Variants in KIAA1671 observed in about 807,000 individuals in gnomAD.
The protein encoded by KIAA1671 is KIAA1671, also known as uncharacterized protein KIAA1671.
A neutral mutation model predicts 131.2 loss-of-function variants in KIAA1671; 52 were observed. That is an observed-to-expected ratio of 0.40 (90% CI 0.32 to 0.50). KIAA1671 has a LOEUF of 0.50. Among genes scored for constraint, KIAA1671 ranks in the 20% least tolerant of loss-of-function variants. The probability of loss-of-function intolerance (pLI) is 0.73; values close to 1 mark genes in which losing one functional copy is unlikely to be tolerated. For synonymous variants in KIAA1671, 1,003 were observed against 961.6 expected (o/e 1.04, Z -0.80); for missense variants, 2,360 against 2,364.2 (o/e 1.00, Z 0.04).
rs73879197 is a variant in KIAA1671, at chr22:25,075,415, A to G, written c.4530+26051A>G. Among the ~76,000 whole-genome samples the G allele has an allele frequency of 4.8e-3, 734 of 152,256 alleles. 5 individuals carry two copies. Among genetic ancestry groups the G allele is most frequent in the African/African-American group, 0.015 (633 of 41,542 alleles). ...CTTTTTTGGTTCCAGGATCTAGTTC[A>G]GGGTCCCACATTGTATTTTTTCGCT... On this transcript the variant is annotated intron_variant, in intron 6 of 12. Transcript: ENST00000358431.
At chr22:25,188,608 T>C (rs1934557035) in intron 11 of KIAA1671, among the ~76,000 whole-genome samples, 1 of 152,274 alleles carries the variant, frequency 6.6e-6, no homozygotes, top group East Asian at 1.9e-4. Context: ...AATAGCCTAG[T>C]GTTGACCAGA....
At chr22:25,150,032 C>T (rs1932983408) in intron 6 of KIAA1671, among the ~76,000 whole-genome samples, 1 of 152,142 alleles carries the variant, frequency 6.6e-6, no homozygotes, top group Non-Finnish European at 1.5e-5. Flanking sequence ...TCCATCTCCC[C>T]AACTTGATTT....
chr22:25,155,219 A>G (rs1933189297), intron 6 of KIAA1671, among the ~76,000 whole-genome samples: 1 of 152,210 alleles, frequency 6.6e-6, no homozygotes, highest in South Asian at 2.1e-4. Context: ...CATTGTTTTG[A>G]ATGGAGACAC....
At chr22:25,003,971 C>A (rs186758187) in intron 1 of KIAA1671, among the ~76,000 whole-genome samples, 1 of 151,864 alleles carries the variant, frequency 6.6e-6, no homozygotes, top group East Asian at 2.0e-4. Context: ...GCGCGCGCCA[C>A]CACACGCAGC....
At chr22:25,103,212 C>CTTTT (rs10631725) in intron 6 of KIAA1671, among the ~76,000 whole-genome samples, 13 of 140,352 alleles carry the variant, frequency 9.3e-5, no homozygotes, top group African/African-American at 1.3e-4. Flanking sequence ...CCCCAACCGC[C>CTTTT]TTTTTTTTTT....
chr22:25,109,455 A>ACTT lies in KIAA1671; in HGVS notation c.4530+60095_4530+60097dup, dbSNP rs113618440. 5.8e-3 allele frequency among the ~76,000 whole-genome samples: 887 copies of ACTT among 152,064 alleles called. 9 individuals are homozygous for ACTT. The highest frequency in any genetic ancestry group is 0.032 in the South Asian group (152 of 4,804). On this transcript the variant is annotated intron_variant, in intron 6 of 12. Coordinates refer to ENST00000358431, the MANE Select transcript of KIAA1671 (RefSeq NM_001145206.2). ...CGTGAGCCACCGCGCCCGGCCCATC[A>ACTT]CTTCTTTATTCTGCTAACCACACGG...
At chr22:24,968,727 A>G (rs1922438075) in intron 1 of KIAA1671, among the ~76,000 whole-genome samples, 1 of 152,106 alleles carries the variant, frequency 6.6e-6, no homozygotes, top group East Asian at 1.9e-4. Context: ...TATTGATTAC[A>G]TAATCTTATC....
At chr22:25,183,397 G>A (rs1341969823) in intron 10 of KIAA1671, among the ~76,000 whole-genome samples, 1 of 150,736 alleles carries the variant, frequency 6.6e-6, no homozygotes, top group Non-Finnish European at 1.5e-5. Context: ...TCAGTCACTA[G>A]AACTAGGTTA....
intron 1 of KIAA1671, among the ~76,000 whole-genome samples, chr22:24,972,468 G>C (rs979109902): frequency 6.6e-6 from 1 of 151,962 alleles, no homozygotes; most frequent in African/African-American, 2.4e-5. Context: ...ACGCATGCAT[G>C]CATCCATCCA....
At chr22:24,971,396 G>A (rs5752029) in intron 1 of KIAA1671, among the ~76,000 whole-genome samples, 1 of 152,022 alleles carries the variant, frequency 6.6e-6, no homozygotes. Context: ...CTTGCCAACC[G>A]AATATCCACA....
chr22:24,977,403 G>T (rs556650073), intron 1 of KIAA1671, among the ~76,000 whole-genome samples: 11 of 152,332 alleles, frequency 7.2e-5, no homozygotes, highest in Non-Finnish European at 1.6e-4. Context: ...AACCGGGCTG[G>T]AGGCCTGGGT....
chr22:25,085,964 T>G (rs555402692), intron 6 of KIAA1671, among the ~76,000 whole-genome samples: 29 of 152,260 alleles, frequency 1.9e-4, no homozygotes, highest in African/African-American at 5.8e-4. Flanking sequence ...AGCCCCTATC[T>G]TTGTATCCCT....
At chr22:25,037,935 G>C (rs763048733) in intron 4 of KIAA1671, among the ~76,000 whole-genome samples, 157 of 152,134 alleles carry the variant, frequency 1.0e-3, no homozygotes, top group Non-Finnish European at 1.6e-3. Context: ...CGCCCTCCAG[G>C]TTCAAGCAAT....
intron 1 of KIAA1671, among the ~76,000 whole-genome samples, chr22:24,986,300 C>G (rs561043800): frequency 1.1e-3 from 160 of 152,222 alleles, no homozygotes; most frequent in African/African-American, 3.6e-3. Flanking sequence ...CTGTGGGAGA[C>G]TGGGTTACGG....
chr22:25,028,546 G>T lies in KIAA1671; in HGVS notation c.547G>T (p.Ala183Ser), dbSNP rs1286091924. 3 of 802,192 alleles carry T rather than the reference G, an allele frequency of 3.7e-6. No individual in the cohort carries two copies. In the East Asian group the frequency reaches 1.6e-4, roughly 42 times the overall value. The allele number at this position is 802,192 out of a possible 1,614,324, so 49.7% of individuals were successfully genotyped here. The change falls in exon 3 of 13, where the codon GCC (alanine) becomes TCC (serine). Residue 183 changes from alanine to serine, a missense_variant. Physicochemically the swap from Ala to Ser is moderately conservative, Grantham distance 99 (BLOSUM62 1). Around this residue, in one of 3 missense-constraint regions of KIAA1671, gnomAD observed 1,185 missense variants for 1,126.2 expected, o/e 1.05. Transcript: ENST00000358431. ...GSRPEVAAKP[A>S]LPTQKPAGTL... ...CCGGCCTGAGGTGGCTGCCAAGCCC[G>T]CCCTGCCCACCCAGAAGCCTGCGGG...
At position 25,164,960 on chromosome 22, in the gene KIAA1671, A is replaced by AG. The variant is rs57913075; in HGVS notation, c.4531-5860_4531-5859insG. Among the ~76,000 whole-genome samples, 198 of 134,214 alleles carry AG rather than the reference A, an allele frequency of 1.5e-3. 4 individuals are homozygous for AG. Among genetic ancestry groups the AG allele is most frequent in the African/African-American group, 2.7e-3 (96 of 35,044 alleles). The allele number at this position is 134,214 out of a possible 152,430, so 88.0% of individuals were successfully genotyped here. On this transcript the variant is annotated intron_variant, in intron 6 of 12. Coordinates refer to ENST00000358431, the MANE Select transcript of KIAA1671 (RefSeq NM_001145206.2). ...GAGACTGTCTCGGGAAAAAAAAAAA[A>AG]AGAGAGAGAGTTGCAGGCGTGTGTG...
intron 1 of KIAA1671, among the ~76,000 whole-genome samples, chr22:25,003,320 T>G (rs1483937432): frequency 6.6e-6 from 1 of 152,160 alleles, no homozygotes; most frequent in Non-Finnish European, 1.5e-5. Context: ...AATACTTATC[T>G]TGTTATTATT....
At chr22:24,990,550 C>T (rs73879185) in intron 1 of KIAA1671, among the ~76,000 whole-genome samples, 3 of 152,212 alleles carry the variant, frequency 2.0e-5, no homozygotes, top group East Asian at 3.8e-4. Context: ...TGTGCGCCCA[C>T]GCCAGCAGCA....
Position 25,156,012 on chromosome 22 carries a change from C to CTTTTTTTTTTTTT in KIAA1671, c.4531-14793_4531-14781dup, listed in dbSNP as rs57822676. Among the ~76,000 whole-genome samples, 6 of 35,320 alleles carry CTTTTTTTTTTTTT rather than the reference C, an allele frequency of 1.7e-4. 2 individuals are homozygous for CTTTTTTTTTTTTT. Among genetic ancestry groups the CTTTTTTTTTTTTT allele is most frequent in the Admixed American group, 1.2e-3 (3 of 2,576 alleles). The allele number at this position is 35,320 out of a possible 152,430, so 23.2% of individuals were successfully genotyped here. On this transcript the variant is annotated intron_variant, in intron 6 of 12. Coordinates refer to ENST00000358431, the MANE Select transcript of KIAA1671 (RefSeq NM_001145206.2). ...TTTTGTGCATGTATGTGTGTATGTG[C>CTTTTTTTTTTTTT]TTTTTTTTTTTTTTTTTTTTTTTTT...
Sources: allele counts gnomAD v4.1 joint callset (sites outside exome capture counted in the v4.1 genomes callset), GRCh38; gene constraint gnomAD v4.1.1; regional missense constraint gnomAD v4.1.1; transcripts MANE v1.5; gene names NCBI Gene and HGNC (gene_info 2026-07-23, HGNC 2026-07-21).